The following SH3D19 variants were observed in gnomAD, a reference collection of about 807,000 sequenced individuals.
SH3D19 encodes the protein SH3 domain-containing protein 19.
Under a neutral mutation model 112.1 loss-of-function variants are expected in SH3D19, and 58 were observed. The observed-to-expected ratio is 0.52, with a 90% CI of 0.42 to 0.64. The LOEUF is 0.64. Ranked by LOEUF, SH3D19 falls within the 30% of genes least tolerant of loss-of-function variation. SH3D19 has a pLI of 0.00. For synonymous variants in SH3D19, 391 were observed against 448.5 expected (o/e 0.87, Z 1.62); for missense variants, 1,090 against 1,263.4 (o/e 0.86, Z 2.08).
In SH3D19 at chr4:151,325,581, G is replaced by T; in HGVS notation, c.-229C>A. On this transcript the variant is annotated 5_prime_UTR_variant, in exon 1 of 20. Transcript: ENST00000604030. The stretch of plus-strand genomic sequence containing the variant: ...CGAGCCGATTCCCCGCCTCCTTGCG[G>T]CGTCCCGGCGGCCTCTTAATCCCTG... 3.7e-6 allele frequency: 1 copy of T among 267,918 alleles called. No individual in the cohort carries two copies. The highest frequency in any genetic ancestry group is 1.7e-4 in the South Asian group (1 of 5,862). The allele number at this position is 267,918 out of a possible 1,614,324, so 16.6% of individuals were successfully genotyped here.
chr4:151,134,013 A>C (rs1181414433), intron 15 of SH3D19, among the ~76,000 whole-genome samples: 3 of 152,208 alleles, frequency 2.0e-5, no homozygotes, highest in Non-Finnish European at 4.4e-5. Context: ...ATTGCCTAAA[A>C]AGAAAAGGTT....
In SH3D19 at chr4:151,128,180, C is replaced by T. The variant is rs774582492; in HGVS notation, c.2919G>A (p.Arg973=). ...REGIFPAVFV[R]PCPAEAKSML... ...TTGCGGTTGTCATACCTGGGCAGGG[C>T]CTCACAAACACTGCTGGGAAGATCC... The change falls in exon 18 of 20, where the codon AGG becomes AGA. Residue 973 remains arginine (R), a synonymous_variant. Coordinates refer to ENST00000604030, the MANE Select transcript of SH3D19 (RefSeq NM_001378122.1). 1.7e-5 allele frequency: 28 copies of T among 1,601,808 alleles called. No homozygotes were observed. Among genetic ancestry groups the T allele is most frequent in the Non-Finnish European group, 2.4e-5 (28 of 1,174,430 alleles).
rs1766517764 is a variant in SH3D19 at position 151,214,280 on chromosome 4, A to ACACGGCAACCATC, written c.152+11754_152+11766dup. ...CCCATGTCTACTTCTTTCCACACAG[A>ACACGGCAACCATC]CACGGCAACCATCCGATTTCTCAAT... On this transcript the variant is annotated intron_variant, in intron 2 of 19. Coordinates refer to ENST00000604030, the MANE Select transcript of SH3D19 (RefSeq NM_001378122.1). Among the ~76,000 whole-genome samples the ACACGGCAACCATC allele has an allele frequency of 2.6e-5, 4 of 151,744 alleles. No individual in the cohort carries two copies. The East Asian group carries it at 7.8e-4, about 30-fold the overall frequency.
chr4:151,308,392 A>G (rs1729125656), intron 1 of SH3D19, among the ~76,000 whole-genome samples: 1 of 152,100 alleles, frequency 6.6e-6, no homozygotes, highest in Non-Finnish European at 1.5e-5. Context: ...CCCTCTTTCC[A>G]TTCTGAGAAA....
chr4:151,138,296 A>G (rs1184054781), intron 13 of SH3D19, among the ~76,000 whole-genome samples: 1 of 152,240 alleles, frequency 6.6e-6, no homozygotes, highest in Non-Finnish European at 1.5e-5. Flanking sequence ...GTTTACCCAT[A>G]CCAAAACAAA....
rs554607643 is a variant in SH3D19, at chr4:151,144,912, C to T, written c.2083-862G>A. Among the ~76,000 whole-genome samples the T allele has an allele frequency of 7.9e-5, 12 of 152,292 alleles. No homozygotes were observed. The East Asian group carries it at 1.5e-3, about 20-fold the overall frequency. The stretch of plus-strand genomic sequence containing the variant: ...TTTTAGCTGATGAGTGCACATCAGA[C>T]GGTCTGTACTATATAAAAGGCATAC... On this transcript the variant is annotated intron_variant, in intron 11 of 19. Transcript: ENST00000604030.
rs1221644185 is a variant in SH3D19 at position 151,137,862 on chromosome 4, T to C, written c.2297A>G (p.Glu766Gly). 6.3e-7 allele frequency: 1 copy of C among 1,592,216 alleles called. No homozygotes were observed. ...HAVVLHDFPA[E>G]QVDDLNLTSG... is the part of the protein sequence containing the mutation. Reference sequence around the variant, plus strand: ...AGTGAGGTTCAAATCATCAACTTGCTCTGTAATATAAAATTATAGTTATGT... The same window carrying C: ...AGTGAGGTTCAAATCATCAACTTGCCCTGTAATATAAAATTATAGTTATGT... The change falls in exon 14 of 20, where the codon GAG (glutamate) becomes GGG (glycine). Residue 766 changes from glutamate (E) to glycine (G), a missense_variant and splice_region_variant. Transcript: ENST00000604030.
At chr4:151,128,970 A>G (rs1438374884) in intron 17 of SH3D19, among the ~76,000 whole-genome samples, 1 of 152,114 alleles carries the variant, frequency 6.6e-6, no homozygotes, top group Non-Finnish European at 1.5e-5. Context: ...GACCTATTAT[A>G]TTGTTATATT....
At chr4:151,184,248 A>G (rs12647306) in intron 3 of SH3D19, among the ~76,000 whole-genome samples, 105,561 of 152,100 alleles carry the variant, frequency 0.69, 41,727 homozygotes, top group Non-Finnish European at 0.89. Context: ...TAACAATGGG[A>G]TAAAGTCTTT....
chr4:151,312,959 A>G, intron 1 of SH3D19, among the ~76,000 whole-genome samples: 1 of 150,998 alleles, frequency 6.6e-6, no homozygotes, highest in African/African-American at 2.4e-5. Context: ...TGTGGTGGTG[A>G]GTGCCTGTAA....
At chr4:151,311,039 G>A (rs145136872) in intron 1 of SH3D19, among the ~76,000 whole-genome samples, 1,647 of 148,466 alleles carry the variant, frequency 0.011, 30 homozygotes, top group African/African-American at 0.038. Flanking sequence ...GGTTGCTTAT[G>A]TATCTTGGCT....
intron 2 of SH3D19, among the ~76,000 whole-genome samples, chr4:151,202,304 C>T (rs1037671717): frequency 1.3e-5 from 2 of 152,184 alleles, no homozygotes; most frequent in Admixed American, 6.5e-5. Context: ...CACTGAATGC[C>T]AGCCTAGGCG....
intron 1 of SH3D19, among the ~76,000 whole-genome samples, chr4:151,307,950 G>A (rs1285236514): frequency 1.3e-5 from 2 of 152,104 alleles, no homozygotes; most frequent in African/African-American, 4.8e-5. Context: ...TGCTGTTACT[G>A]CCCAGGCTGG....
intron 1 of SH3D19, among the ~76,000 whole-genome samples, chr4:151,241,796 G>A (rs992168528): frequency 2.0e-5 from 3 of 151,946 alleles, no homozygotes; most frequent in African/African-American, 7.3e-5. Context: ...GTGAATGGTT[G>A]AGCTGTTCAT....
chr4:151,282,323 C>T, intron 1 of SH3D19: 2 of 1,613,974 alleles, frequency 1.2e-6, no homozygotes, highest in Non-Finnish European at 1.7e-6. Flanking sequence ...TTCTGCCATC[C>T]TGCCTATTTG....
rs1364948220 is a variant in SH3D19, at chr4:151,165,638, T to C, written c.1593A>G (p.Ala531=). ...EPIKERAVQP[A]PTRKPTVIRI... ...GAATTACAGTGGGCTTCCTGGTGGG[T>C]GCTGGTTGAACTGCTCGTTCTTTTA... The change falls in exon 8 of 20, where the codon GCA becomes GCG. Residue 531 remains alanine (A), a synonymous_variant. Transcript: ENST00000604030. 1.2e-6 allele frequency: 2 copies of C among 1,614,154 alleles called. No individual in the cohort carries two copies. The highest frequency in any genetic ancestry group is 3.3e-5 in the Admixed American group (2 of 60,010).
rs571849202 is a variant in SH3D19, at chr4:151,202,471, T to C, written c.153-15008A>G. 2.6e-5 allele frequency among the ~76,000 whole-genome samples: 4 copies of C among 152,348 alleles called. No individual in the cohort carries two copies. The East Asian group carries it at 5.8e-4, about 22-fold the overall frequency. On this transcript the variant is annotated intron_variant, in intron 2 of 19. Transcript: ENST00000604030. ...CCAGTGCTGGCATTTTTAGAACTGG[T>C]GTGGCACTACAGTCCAGTACTAATT... is the stretch of plus-strand genomic sequence containing the variant.
At chr4:151,257,602 C>A (rs1343849835) in intron 1 of SH3D19, among the ~76,000 whole-genome samples, 1 of 152,060 alleles carries the variant, frequency 6.6e-6, no homozygotes, top group Non-Finnish European at 1.5e-5. Context: ...TCATCATCAT[C>A]ATCATCATCA....
chr4:151,165,258 C>T (rs567246077), intron 8 of SH3D19, among the ~76,000 whole-genome samples: 1 of 152,146 alleles, frequency 6.6e-6, no homozygotes, highest in East Asian at 1.9e-4. Context: ...AGGAGAATTG[C>T]TTGAATCCGG....
Sources: gnomAD v4.1 joint callset for allele counts (sites outside exome capture counted in the v4.1 genomes callset) on GRCh38, gnomAD v4.1.1 for gene constraint, MANE v1.5 for transcripts, NCBI Gene and HGNC (gene_info 2026-07-23, HGNC 2026-07-21) for gene names.